Variants in KIZ observed in about 807,000 individuals in gnomAD.
The protein encoded by KIZ is centrosomal protein kizuna.
Under a neutral mutation model 79.6 loss-of-function variants are expected in KIZ, and 68 were observed. The observed-to-expected ratio is 0.85, with a 90% CI of 0.70 to 1.05. The LOEUF (loss-of-function observed/expected upper bound fraction) is 1.05, where lower values mean the gene tolerates loss of function less well. Among genes scored for constraint, KIZ ranks in the 50% least tolerant of loss-of-function variants. KIZ has a pLI of 0.00. For missense variants in KIZ, 797 were observed against 800.4 expected, an observed-to-expected ratio of 1.00 and a Z score of 0.05; for synonymous variants, 280 against 281.8, an observed-to-expected ratio of 0.99 and a Z score of 0.06.
chr20:21,165,366 G>A (rs937531530), intron 6 of KIZ, among the ~76,000 whole-genome samples: 1 of 152,176 alleles, frequency 6.6e-6, no homozygotes, highest in African/African-American at 2.4e-5. Context: ...GAGGACATGG[G>A]AGGGGCAGAG....
At chr20:21,132,268 G>A (rs1233553644) in intron 2 of KIZ, 109 bp downstream of exon 2, 9 of 590,626 alleles carry the variant, frequency 1.5e-5, no homozygotes, top group Non-Finnish European at 2.4e-5. Context: ...TGGGTTTTTG[G>A]TTTTGTTTTG....
chr20:21,131,026 TG>T (rs529139842), intron 1 of KIZ, among the ~76,000 whole-genome samples: 52 of 152,370 alleles, frequency 3.4e-4, no homozygotes, highest in African/African-American at 1.2e-3. Context: ...GTTTCTTTTT[TG>T]GCCTTTACTT....
At chr20:21,244,400 C>T in intron 12 of KIZ, 112 bp downstream of exon 12, 1 of 750,070 alleles carries the variant, frequency 1.3e-6, no homozygotes. Context: ...GGCATGCTCA[C>T]AGGGACTGCC....
chr20:21,205,657 TTAA>T, intron 7 of KIZ, 73 bp downstream of exon 7: 1 of 638,662 alleles, frequency 1.6e-6, no homozygotes, highest in Non-Finnish European at 2.5e-6. Context: ...TAATTTTTAT[TTAA>T]AAAAAAAAAA....
intron 6 of KIZ, among the ~76,000 whole-genome samples, chr20:21,200,020 C>T (rs768474335): frequency 3.9e-5 from 6 of 152,046 alleles, no homozygotes; most frequent in Admixed American, 6.6e-5. Context: ...GGGGTTTTAC[C>T]GTGTTGGCCA....
chr20:21,226,620 T>C (rs970945063), intron 9 of KIZ, among the ~76,000 whole-genome samples: 2 of 152,222 alleles, frequency 1.3e-5, no homozygotes, highest in African/African-American at 4.8e-5. Context: ...CTCCCGCAAC[T>C]TTGACGTCTG....
intron 6 of KIZ, among the ~76,000 whole-genome samples, chr20:21,166,952 G>A (rs1369131139): frequency 1.3e-5 from 2 of 152,190 alleles, no homozygotes; most frequent in African/African-American, 4.8e-5. Context: ...GAAGCAAACT[G>A]TCATCTTGTG....
rs775069529 is a variant in KIZ, at chr20:21,162,156, C to T, written c.691C>T (p.Gln231Ter). ...SDNIDGKASLQIGEKMPVTAS... is the reference protein window; with the variant it reads ...SDNIDGKASL ...CAACATAGATGGAAAGGCATCTCTT[C>T]AGATTGGTGAGAAAATGCCAGTCAC... The change falls in exon 5 of 13, where the codon CAG becomes TAG. Residue 231 changes from glutamine (Q) to a stop codon, truncating the protein, a stop_gained. Transcript: ENST00000619189. LOFTEE classifies it high-confidence loss of function. The T allele has an allele frequency of 3.7e-6, 6 of 1,610,950 alleles. No individual in the cohort carries two copies. Among genetic ancestry groups the T allele is most frequent in the Non-Finnish European group, 5.1e-6 (6 of 1,178,440 alleles).
At chr20:21,165,062 G>A (rs575256383) in intron 6 of KIZ, among the ~76,000 whole-genome samples, 320 of 152,224 alleles carry the variant, frequency 2.1e-3, no homozygotes, top group African/African-American at 7.5e-3. Flanking sequence ...AGGGTTATTG[G>A]TCTGAGACCA....
intron 6 of KIZ, among the ~76,000 whole-genome samples, chr20:21,169,405 C>T (rs1403072980): frequency 3.9e-5 from 6 of 151,926 alleles, no homozygotes; most frequent in East Asian, 1.9e-4. Flanking sequence ...GTTAGAATGG[C>T]GATCATTAAA....
At chr20:21,134,760 G>A (rs6047266) in intron 2 of KIZ, among the ~76,000 whole-genome samples, 9,438 of 149,460 alleles carry the variant, frequency 0.063, 834 homozygotes, top group East Asian at 0.21. Context: ...TCTGCCTCCC[G>A]GGTTCAAGCA....
intron 2 of KIZ, among the ~76,000 whole-genome samples, chr20:21,133,675 C>T (rs1279471488): frequency 6.6e-6 from 1 of 152,258 alleles, no homozygotes; most frequent in Non-Finnish European, 1.5e-5. Flanking sequence ...GCTGCCTCCA[C>T]CTAGTACCTG....
At chr20:21,229,171 T>G in intron 10 of KIZ, 56 bp downstream of exon 10, 1 of 982,654 alleles carries the variant, frequency 1.0e-6, no homozygotes. Context: ...CAGGGCTGTG[T>G]TCGGGGAAGG....
rs2033696095 is a variant in KIZ at position 21,162,139 on chromosome 20, A to G, written c.674A>G (p.Asp225Gly). 6.2e-7 allele frequency: 1 copy of G among 1,610,892 alleles called. No individual in the cohort carries two copies. The highest frequency in any genetic ancestry group is 1.7e-5 in the Admixed American group (1 of 59,788). ...TGCTTAAATAAGTCTGACAACATAG[A>G]TGGAAAGGCATCTCTTCAGATTGGT... ...TQCLNKSDNI[D>G]GKASLQIGEK... The change falls in exon 5 of 13, where the codon GAT (aspartate) becomes GGT (glycine). Residue 225 changes from aspartate (D) to glycine (G), a missense_variant. Physicochemically the swap from Asp to Gly is moderately conservative, Grantham distance 94 (BLOSUM62 -1). Coordinates refer to ENST00000619189, the MANE Select transcript of KIZ (RefSeq NM_018474.6).
chr20:21,170,226 T>C (rs543447178), intron 6 of KIZ, among the ~76,000 whole-genome samples: 1 of 152,324 alleles, frequency 6.6e-6, no homozygotes, highest in East Asian at 1.9e-4. Context: ...AAGCATGCAA[T>C]GTATAATAAT....
chr20:21,192,005 T>G (rs1398777651), intron 6 of KIZ, among the ~76,000 whole-genome samples: 2 of 152,120 alleles, frequency 1.3e-5, no homozygotes, highest in Non-Finnish European at 2.9e-5. Context: ...CCCCAGCTTC[T>G]GCCGGCGGGG....
At chr20:21,169,282 A>G (rs930888397) in intron 6 of KIZ, among the ~76,000 whole-genome samples, 3 of 152,150 alleles carry the variant, frequency 2.0e-5, no homozygotes, top group Non-Finnish European at 4.4e-5. Flanking sequence ...ATGAACAGAC[A>G]CTTCTCAAAA....
chr20:21,141,825 T>A (rs6113143), intron 3 of KIZ, among the ~76,000 whole-genome samples: 15,407 of 80,448 alleles, frequency 0.19, 772 homozygotes, highest in African/African-American at 0.38. Flanking sequence ...ACACACACAC[T>A]CTCTCTCTCT....
At chr20:21,210,349 T>C (rs1271874003) in intron 7 of KIZ, among the ~76,000 whole-genome samples, 1 of 152,098 alleles carries the variant, frequency 6.6e-6, no homozygotes, top group African/African-American at 2.4e-5. Context: ...AAACATAGGT[T>C]GCATTATTTG....
Sources: gnomAD v4.1 joint callset for allele counts (sites outside exome capture counted in the v4.1 genomes callset) on GRCh38, gnomAD v4.1.1 for gene constraint, MANE v1.5 for transcripts, NCBI Gene and HGNC (gene_info 2026-07-23, HGNC 2026-07-21) for gene names.